The following SLC6A16 variants were observed in gnomAD, a reference collection of about 807,000 sequenced individuals.
SLC6A16 encodes the protein orphan sodium- and chloride-dependent neurotransmitter transporter NTT5.
A neutral mutation model predicts 65.4 loss-of-function variants in SLC6A16; 54 were observed. The ratio of observed to expected loss-of-function variants is 0.83; its 90% CI spans 0.66 to 1.04. The LOEUF is 1.04. Among genes scored for constraint, SLC6A16 ranks in the 50% least tolerant of loss-of-function variants. The pLI is 0.00. For synonymous variants in SLC6A16, 330 were observed against 346.5 expected, an observed-to-expected ratio of 0.95 and a Z score of 0.53; for missense variants, 816 against 914.0, an observed-to-expected ratio of 0.89 and a Z score of 1.38.
upstream of SLC6A16, among the ~76,000 whole-genome samples, chr19:49,329,052 C>T (rs1460655845): frequency 2.0e-5 from 3 of 152,226 alleles, no homozygotes; most frequent in East Asian, 5.8e-4. Context: ...AAGCTGCTCC[C>T]AGATTCCTGA....
chr19:49,299,378 A>G (rs1433758316), intron 7 of SLC6A16, among the ~76,000 whole-genome samples: 1 of 150,848 alleles, frequency 6.6e-6, no homozygotes, highest in East Asian at 2.0e-4. Flanking sequence ...ACATGAGGAA[A>G]CTCTGTCTCT....
intron 7 of SLC6A16, among the ~76,000 whole-genome samples, chr19:49,307,724 C>CAAAAAAAAAAAAAAA (rs74182049): frequency 1.2e-4 from 9 of 76,632 alleles, no homozygotes; most frequent in Admixed American, 3.5e-4. Flanking sequence ...GAGGAGGAAG[C>CAAAAAAAAAAAAAAA]AAAAAAAAAG....
Position 49,310,139 on chromosome 19 carries a change from T to G in SLC6A16, c.601A>C (p.Asn201His). ...AAGATGATCCAGGAATTGACCACATTGAAGTACAGGCCGAGGATGAAGCAC... is the reference window on the plus strand; with the variant it reads ...AAGATGATCCAGGAATTGACCACATGGAAGTACAGGCCGAGGATGAAGCAC... ...MVCFILGLYF[N>H]VVNSWIIFYM... Residue 201 changes from asparagine to histidine, a missense_variant, in exon 4 of 12, where the codon AAT becomes CAT. By Grantham distance (68) the Asn-to-His change is moderately conservative (BLOSUM62 1). Transcript: ENST00000335875. 1.9e-6 allele frequency: 3 copies of G among 1,613,718 alleles called. No homozygotes were observed. Among genetic ancestry groups the G allele is most frequent in the Non-Finnish European group, 2.5e-6 (3 of 1,179,932 alleles).
rs1970498010 is a variant in SLC6A16, at chr19:49,310,491, G to A, written c.435C>T (p.Tyr145=). ...NSGGCSFAAI[Y]IFMLFLVGVP... ...CCCCGACCAGGAACAGCATGAAGAT[G>A]TAGATGGCAGCGAAACTGCCTGTGA... is the stretch of plus-strand genomic sequence containing the variant. Residue 145 remains tyrosine (Y), a synonymous_variant, in exon 3 of 12, where the codon TAC becomes TAT. Coordinates refer to ENST00000335875, the MANE Select transcript of SLC6A16 (RefSeq NM_014037.3). The A allele has an allele frequency of 6.2e-7, 1 of 1,614,114 alleles. No individual in the cohort carries two copies. Among genetic ancestry groups the A allele is most frequent in the Non-Finnish European group, 8.5e-7 (1 of 1,180,028 alleles).
chr19:49,322,817 CTTTTTTTTTTTTTTTTTTTTTTT>C (rs536909742), intron 1 of SLC6A16, among the ~76,000 whole-genome samples: 21 of 42,002 alleles, frequency 5.0e-4, no homozygotes, highest in Non-Finnish European at 7.6e-4. Context: ...GAATTAGTAG[CTTTTTTTTTTTTTTTTTTTTTTT>C]TTTTTTTTTT....
Position 49,309,793 on chromosome 19 carries a change from T to G in SLC6A16, c.734A>C (p.Tyr245Ser), listed in dbSNP as rs201181984. 14 of 1,613,646 alleles carry G rather than the reference T, an allele frequency of 8.7e-6. No individual in the cohort carries two copies. The South Asian group carries it at 1.5e-4, about 18-fold the overall frequency. ...PECERTTPSI[Y>S]FWYQQALKAS... The stretch of plus-strand genomic sequence containing the variant: ...CTTCAAGGCCTGCTGGTACCAGAAG[T>G]ATATGGAGGGTGTTGTCCGTTCACA... Residue 245 changes from tyrosine (Y) to serine (S), a missense_variant, in exon 5 of 12, where the codon TAC (tyrosine) becomes TCC (serine). Transcript: ENST00000335875.
the SLC6A16 span, chr19:49,339,242 G>T: frequency 8.4e-7 from 1 of 1,188,336 alleles, no homozygotes; most frequent in South Asian, 1.3e-5. This position sits in a 1 kb window ranked among gnomAD's most constrained non-coding sequence, Gnocchi z 4.5. Flanking sequence ...GATGCCTGAA[G>T]ACGGTGAGGG....
the SLC6A16 span, chr19:49,336,835 G>A: frequency 6.4e-7 from 1 of 1,557,672 alleles, no homozygotes; most frequent in South Asian, 1.2e-5. Context: ...CACTTGGGTG[G>A]CTGCCTAGGT....
At chr19:49,312,673 T>G (rs1231689745) in intron 1 of SLC6A16, 1 of 625,302 alleles carries the variant, frequency 1.6e-6, no homozygotes, top group Non-Finnish European at 2.0e-6. Flanking sequence ...TTTCTTTCAG[T>G]GGGGGAAGGA....
upstream of SLC6A16, among the ~76,000 whole-genome samples, chr19:49,327,559 C>T (rs181957974): frequency 4.9e-4 from 75 of 152,308 alleles, 1 homozygote; most frequent in East Asian, 1.4e-3. Flanking sequence ...AAGTCTCAGT[C>T]GGTCAATAAA....
chr19:49,308,200 C>T (rs1970432459), intron 7 of SLC6A16, among the ~76,000 whole-genome samples: 1 of 152,040 alleles, frequency 6.6e-6, no homozygotes, highest in Non-Finnish European at 1.5e-5. Flanking sequence ...CGCCTGTAAT[C>T]GCAGCACTTT....
At chr19:49,339,603 T>C in the SLC6A16 span, 1 of 1,440,530 alleles carries the variant, frequency 6.9e-7, no homozygotes, top group South Asian at 1.4e-5. This position sits in a 1 kb window ranked among gnomAD's most constrained non-coding sequence, Gnocchi z 4.5. Flanking sequence ...TGATTGGGTG[T>C]ACGCAGGGAA....
At chr19:49,322,100 A>T (rs765151030) in intron 1 of SLC6A16, among the ~76,000 whole-genome samples, 3 of 152,190 alleles carry the variant, frequency 2.0e-5, no homozygotes, top group Admixed American at 6.5e-5. Context: ...AGCCAGAGAA[A>T]TTAGGCAAAA....
the SLC6A16 span, chr19:49,336,045 A>C: frequency 1.9e-6 from 1 of 531,328 alleles, no homozygotes; most frequent in Non-Finnish European, 3.4e-6. Flanking sequence ...ATGCCCCCAC[A>C]AACCTTCCCC....
intron 8 of SLC6A16, 92 bp downstream of exon 8, chr19:49,294,275 G>C (rs1970140669): frequency 1.6e-6 from 2 of 1,270,924 alleles, no homozygotes; most frequent in Non-Finnish European, 2.2e-6. Flanking sequence ...GGTGCTTCCG[G>C]GATTTTTGCT....
At chr19:49,324,117 G>T (rs1315776033) in intron 1 of SLC6A16, among the ~76,000 whole-genome samples, 2 of 152,116 alleles carry the variant, frequency 1.3e-5, no homozygotes, top group Non-Finnish European at 2.9e-5. Flanking sequence ...ATCGGCTGAG[G>T]TCAGGAGCTC....
At position 49,310,043 on chromosome 19, in the gene SLC6A16, A is replaced by C. The variant is rs75222424; in HGVS notation, c.697T>G (p.Phe233Val). Residue 233 changes from phenylalanine (F) to valine (V), a missense_variant, in exon 4 of 12, where the codon TTT becomes GTT. Coordinates refer to ENST00000335875, the MANE Select transcript of SLC6A16 (RefSeq NM_014037.3). ...TCTTCTTTCACTTCCTCCTCACCAA[A>C]GCCACTAGAGTTCATCGTTAAGGGA... ...KCPLTMNSSGFDPECERTTPS... is the reference protein window; with the variant it reads ...KCPLTMNSSGVDPECERTTPS... 1.2e-6 allele frequency: 2 copies of C among 1,613,524 alleles called. No homozygotes were observed. The highest frequency in any genetic ancestry group is 1.7e-6 in the Non-Finnish European group (2 of 1,179,874).
At chr19:49,335,829 A>G in the SLC6A16 span, 1 of 1,512,734 alleles carries the variant, frequency 6.6e-7, no homozygotes, top group Non-Finnish European at 9.2e-7. The surrounding 1 kb of genome is among the most constrained non-coding windows in gnomAD (Gnocchi z 4.6). Context: ...CCCCAACCCA[A>G]GCAACTTCCT....
chr19:49,315,268 A>G (rs2146151688), intron 1 of SLC6A16, among the ~76,000 whole-genome samples: 1 of 152,312 alleles, frequency 6.6e-6, no homozygotes. Flanking sequence ...TGTGGGAAAT[A>G]AAAACAATCA....
Sources: allele counts gnomAD v4.1 joint callset (sites outside exome capture counted in the v4.1 genomes callset), GRCh38; gene constraint gnomAD v4.1.1; non-coding constraint Gnocchi (gnomAD v3.1); transcripts MANE v1.5; gene names NCBI Gene and HGNC (gene_info 2026-07-23, HGNC 2026-07-21).